Variants in GRID1 observed in about 807,000 individuals in gnomAD.
The protein encoded by GRID1 is glutamate ionotropic receptor delta type subunit 1.
GRID1 carries 28 observed loss-of-function variants against 98.0 expected under a neutral mutation model. The observed-to-expected ratio is 0.29, with a 90% CI of 0.21 to 0.39. GRID1 has a LOEUF of 0.39. Ranked by LOEUF, GRID1 falls within the 10% of genes least tolerant of loss-of-function variation. The pLI is 1.00. For missense variants in GRID1, 1,111 were observed against 1,340.5 expected (o/e 0.83, Z 2.67); for synonymous variants, 553 against 538.5 (o/e 1.03, Z -0.37).
At chr10:85,849,227 T>C (rs1843035254) in intron 8 of GRID1, among the ~76,000 whole-genome samples, 1 of 152,218 alleles carries the variant, frequency 6.6e-6, no homozygotes, top group Admixed American at 6.5e-5. Flanking sequence ...ATGTTAATGA[T>C]GCACTTTCAA....
chr10:85,948,481 C>T (rs568702254), intron 4 of GRID1, among the ~76,000 whole-genome samples: 2 of 152,276 alleles, frequency 1.3e-5, no homozygotes, highest in South Asian at 4.2e-4. Flanking sequence ...ACACATCTCA[C>T]TTGGTTTTTT....
Position 85,670,960 on chromosome 10 carries a change from G to A in GRID1, c.1998-23563C>T, listed in dbSNP as rs149613975. ...CAGGATGCCAAAACAGAAATCTCCT[G>A]CTCTGAGAATGCCATCAGGCAATCC... On this transcript the variant is annotated intron_variant, in intron 12 of 15. Transcript: ENST00000327946. 2.9e-4 allele frequency among the ~76,000 whole-genome samples: 44 copies of A among 152,296 alleles called. No homozygotes were observed. The East Asian group carries it at 4.4e-3, about 15-fold the overall frequency.
intron 12 of GRID1, among the ~76,000 whole-genome samples, chr10:85,652,973 G>A (rs1333852478): frequency 2.6e-5 from 4 of 152,158 alleles, no homozygotes; most frequent in Admixed American, 2.6e-4. Context: ...AAACATCAAT[G>A]ACAACAGCAA....
intron 4 of GRID1, among the ~76,000 whole-genome samples, chr10:86,103,591 A>G (rs1844332544): frequency 6.6e-6 from 1 of 152,248 alleles, no homozygotes; most frequent in East Asian, 1.9e-4. Flanking sequence ...CCGGAGGAAG[A>G]GGACTCCCGA....
intron 4 of GRID1, among the ~76,000 whole-genome samples, chr10:85,948,648 C>T (rs1842081325): frequency 1.3e-5 from 2 of 152,162 alleles, no homozygotes; most frequent in African/African-American, 2.4e-5. Flanking sequence ...AAATTTAAAG[C>T]AGGTCACATA....
intron 8 of GRID1, among the ~76,000 whole-genome samples, chr10:85,847,659 G>C (rs1431948098): frequency 6.6e-6 from 1 of 151,846 alleles, no homozygotes; most frequent in Admixed American, 6.6e-5. Context: ...GTAAAAGCTA[G>C]GCCATCATGT....
At chr10:86,019,953 A>T (rs967295829) in intron 4 of GRID1, among the ~76,000 whole-genome samples, 3 of 152,238 alleles carry the variant, frequency 2.0e-5, no homozygotes, top group African/African-American at 7.2e-5. Flanking sequence ...GCTAGGCACA[A>T]TGAAAGCTTG....
Position 85,696,145 on chromosome 10 carries a change from G to T in GRID1, c.1997+26858C>A, listed in dbSNP as rs1046239130. On this transcript the variant is annotated intron_variant, in intron 12 of 15. Transcript: ENST00000327946. ...TATATACTGTCAGGCACTGTGCTAA[G>T]CATTGGTTCTACAATAGGGGAAATA... Among the ~76,000 whole-genome samples, 5 of 152,108 alleles carry T rather than the reference G, an allele frequency of 3.3e-5. No homozygotes were observed. In the South Asian group the frequency reaches 1.0e-3, roughly 32 times the overall value.
chr10:85,648,306 G>A lies in GRID1; in HGVS notation c.1998-909C>T, dbSNP rs141779422. Among the ~76,000 whole-genome samples, 34 of 152,216 alleles carry A rather than the reference G, an allele frequency of 2.2e-4. No homozygotes were observed. The East Asian group carries it at 5.6e-3, about 25-fold the overall frequency. On this transcript the variant is annotated intron_variant, in intron 12 of 15. Transcript: ENST00000327946. ...ATAGTCACAGCAGGAAGGACCAGTC[G>A]CTATGAAGATTTTACTTGCCTCAGA...
chr10:86,145,738 T>C lies in GRID1; in HGVS notation c.521-6714A>G, dbSNP rs545076201. ...CAATATTAATAACGTTAAATCATAA[T>C]ATATGGGTAACAGGAGCTAGGCCTT... On this transcript the variant is annotated intron_variant, in intron 3 of 15. Transcript: ENST00000327946. 3.9e-5 allele frequency among the ~76,000 whole-genome samples: 6 copies of C among 152,278 alleles called. No individual in the cohort carries two copies. The South Asian group carries it at 1.2e-3, about 32-fold the overall frequency.
intron 4 of GRID1, among the ~76,000 whole-genome samples, chr10:85,986,027 G>A (rs116865715): frequency 0.025 from 3,777 of 152,334 alleles, 89 homozygotes; most frequent in Non-Finnish European, 0.038. Flanking sequence ...GAAGTTGGAG[G>A]CTAAATGCCT....
At chr10:86,096,443 C>A (rs1844223012) in intron 4 of GRID1, among the ~76,000 whole-genome samples, 1 of 152,194 alleles carries the variant, frequency 6.6e-6, no homozygotes, top group Non-Finnish European at 1.5e-5. Context: ...CACAATCTTG[C>A]TCAACCAGTT....
chr10:86,050,719 C>A (rs554587909), intron 4 of GRID1, among the ~76,000 whole-genome samples: 2 of 152,000 alleles, frequency 1.3e-5, no homozygotes, highest in African/African-American at 4.8e-5. Flanking sequence ...GAAAGATACA[C>A]CAAGTTCTTG....
At position 86,192,798 on chromosome 10, in the gene GRID1, AC is replaced by A. The variant is rs1845824023; in HGVS notation, c.520+13565del. ...ACCAGGGCCAACAGGTGATGTTCAC[AC>A]CGATATATGTGGTGATTCCACAGAA... On this transcript the variant is annotated intron_variant, in intron 3 of 15. Transcript: ENST00000327946. The surrounding 1 kb of genome is among the most constrained non-coding windows in gnomAD (Gnocchi z 4.8). Among the ~76,000 whole-genome samples the A allele has an allele frequency of 1.3e-5, 2 of 152,030 alleles. No homozygotes were observed. Among genetic ancestry groups the A allele is most frequent in the South Asian group, 4.1e-4 (2 of 4,834 alleles).
At chr10:86,003,987 A>G (rs910296077) in intron 4 of GRID1, among the ~76,000 whole-genome samples, 3 of 152,168 alleles carry the variant, frequency 2.0e-5, no homozygotes, top group African/African-American at 7.2e-5. Context: ...AAACTCCCCA[A>G]TGTCTTGCAG....
chr10:85,739,577 T>G (rs1190616306), intron 8 of GRID1, among the ~76,000 whole-genome samples: 7 of 151,996 alleles, frequency 4.6e-5, no homozygotes. Context: ...AGAGTAAGAC[T>G]TCAACTCAAC....
At chr10:85,713,948 G>T (rs1841609621) in intron 12 of GRID1, among the ~76,000 whole-genome samples, 1 of 151,974 alleles carries the variant, frequency 6.6e-6, no homozygotes, top group South Asian at 2.1e-4. Context: ...ACAAAACAAG[G>T]GTGCCCACTC....
At chr10:86,198,178 A>G (rs924741130) in intron 3 of GRID1, among the ~76,000 whole-genome samples, 2 of 152,068 alleles carry the variant, frequency 1.3e-5, no homozygotes, top group Non-Finnish European at 1.5e-5. Context: ...CCCGACAGAT[A>G]TTTTCTATGA....
chr10:86,110,337 T>A (rs1295454100), intron 4 of GRID1, among the ~76,000 whole-genome samples: 1 of 152,142 alleles, frequency 6.6e-6, no homozygotes, highest in Non-Finnish European at 1.5e-5. Context: ...TGCTCTACCA[T>A]GTGGCTCTGC....
Sources: gnomAD v4.1 joint callset for allele counts (sites outside exome capture counted in the v4.1 genomes callset) on GRCh38, gnomAD v4.1.1 for gene constraint, Gnocchi (gnomAD v3.1) non-coding constraint, MANE v1.5 for transcripts, NCBI Gene and HGNC (gene_info 2026-07-23, HGNC 2026-07-21) for gene names.